FOXN3: variants seen among roughly 807,000 people sequenced by gnomAD.
FOXN3 encodes the protein forkhead box N3.
A neutral mutation model predicts 38.4 loss-of-function variants in FOXN3; 7 were observed. The ratio of observed to expected loss-of-function variants is 0.18; its 90% CI spans 0.10 to 0.34. The LOEUF is 0.34. Ranked by LOEUF, FOXN3 falls within the 10% of genes least tolerant of loss-of-function variation. The probability of loss-of-function intolerance (pLI) is 1.00; values close to 1 mark genes in which losing one functional copy is unlikely to be tolerated. For missense variants in FOXN3, 456 were observed against 613.4 expected, an observed-to-expected ratio of 0.74 and a Z score of 2.71; for synonymous variants, 230 against 242.2, an observed-to-expected ratio of 0.95 and a Z score of 0.47.
chr14:89,362,425 A>T (rs1480366758), intron 2 of FOXN3, among the ~76,000 whole-genome samples: 1 of 17,910 alleles, frequency 5.6e-5, no homozygotes, highest in Non-Finnish European at 1.2e-4. Flanking sequence ...CTCCTCCTCC[A>T]CCACCACCAC....
chr14:89,592,159 C>T (rs559596538), intron 1 of FOXN3, among the ~76,000 whole-genome samples: 37 of 151,908 alleles, frequency 2.4e-4, no homozygotes, highest in African/African-American at 8.9e-4. Flanking sequence ...GGAAATTATC[C>T]AGAAAGTAAG....
At chr14:89,589,459 G>C (rs1301246354) in intron 1 of FOXN3, among the ~76,000 whole-genome samples, 1 of 152,158 alleles carries the variant, frequency 6.6e-6, no homozygotes, top group Non-Finnish European at 1.5e-5. Context: ...GAGCCTGGTC[G>C]TGGTAGTCCT....
At chr14:89,302,163 C>A (rs1179525083) in intron 3 of FOXN3, among the ~76,000 whole-genome samples, 2 of 152,232 alleles carry the variant, frequency 1.3e-5, no homozygotes, top group African/African-American at 4.8e-5. Flanking sequence ...ACCTAATACC[C>A]ATTCGATGCT....
At chr14:89,454,560 G>T (rs894222652) in intron 1 of FOXN3, among the ~76,000 whole-genome samples, 1 of 152,186 alleles carries the variant, frequency 6.6e-6, no homozygotes, top group East Asian at 1.9e-4. Context: ...GAGAAAAACT[G>T]GATAAACATT....
intron 1 of FOXN3, among the ~76,000 whole-genome samples, chr14:89,613,355 T>C (rs1167526891): frequency 1.3e-5 from 2 of 152,088 alleles, no homozygotes; most frequent in East Asian, 1.9e-4. Flanking sequence ...CCCCAAACCA[T>C]GGGAGCTTAA....
At chr14:89,261,396 A>G (rs1168682721) in intron 4 of FOXN3, among the ~76,000 whole-genome samples, 1 of 152,236 alleles carries the variant, frequency 6.6e-6, no homozygotes, top group African/African-American at 2.4e-5. Flanking sequence ...GGCTGGGCCC[A>G]GTATGATGAG....
chr14:89,255,399 C>G (rs181033787), intron 4 of FOXN3, among the ~76,000 whole-genome samples: 35 of 152,190 alleles, frequency 2.3e-4, no homozygotes, highest in Admixed American at 3.9e-4. Context: ...TGTGTTCATT[C>G]ATTCATTCAC....
chr14:89,191,961 T>C (rs1055437494), intron 4 of FOXN3, among the ~76,000 whole-genome samples: 16 of 71,754 alleles, frequency 2.2e-4, no homozygotes, highest in South Asian at 1.7e-3. Flanking sequence ...TATATATATA[T>C]ACACATATAT....
At chr14:89,191,972 A>G (rs1001964951) in intron 4 of FOXN3, among the ~76,000 whole-genome samples, 8 of 139,056 alleles carry the variant, frequency 5.8e-5, no homozygotes, top group Non-Finnish European at 1.2e-4. Flanking sequence ...ACACATATAT[A>G]TAACTATAAT....
chr14:89,319,412 A>G (rs1313913944), intron 3 of FOXN3, among the ~76,000 whole-genome samples: 1 of 152,150 alleles, frequency 6.6e-6, no homozygotes, highest in East Asian at 1.9e-4. Context: ...CCCCAGCTAC[A>G]CATCCTGCCA....
intron 1 of FOXN3, among the ~76,000 whole-genome samples, chr14:89,447,052 C>T (rs1158438274): frequency 1.3e-5 from 2 of 151,952 alleles, no homozygotes; most frequent in African/African-American, 4.8e-5. Flanking sequence ...CAAAATTAGC[C>T]GGGTGTGGTG....
intron 1 of FOXN3, among the ~76,000 whole-genome samples, chr14:89,601,489 A>G (rs1430763177): frequency 6.6e-6 from 1 of 152,224 alleles, no homozygotes; most frequent in Non-Finnish European, 1.5e-5. Context: ...TGCCATTGTC[A>G]TTTAAGACCA....
At chr14:89,266,492 G>T (rs1443211272) in intron 4 of FOXN3, among the ~76,000 whole-genome samples, 1 of 152,152 alleles carries the variant, frequency 6.6e-6, no homozygotes, top group Non-Finnish European at 1.5e-5. Flanking sequence ...GCGGCTGGGG[G>T]GGCGGTGGAG....
intron 3 of FOXN3, among the ~76,000 whole-genome samples, chr14:89,301,093 G>A (rs1887203605): frequency 6.6e-6 from 1 of 152,104 alleles, no homozygotes; most frequent in Non-Finnish European, 1.5e-5. Context: ...ATGAGCCACT[G>A]CACCCAGCCT....
At chr14:89,196,042 A>C (rs576251215) in intron 4 of FOXN3, among the ~76,000 whole-genome samples, 1 of 152,314 alleles carries the variant, frequency 6.6e-6, no homozygotes, top group African/African-American at 2.4e-5. Flanking sequence ...AACAAATGTT[A>C]CTTCTCCTCT....
intron 4 of FOXN3, among the ~76,000 whole-genome samples, chr14:89,195,399 G>A (rs573909526): frequency 2.6e-5 from 4 of 152,356 alleles, no homozygotes; most frequent in Non-Finnish European, 5.9e-5. Flanking sequence ...GGTCAAGAGA[G>A]ACTACTGGTG....
At chr14:89,357,350 T>C (rs1889272935) in intron 2 of FOXN3, among the ~76,000 whole-genome samples, 1 of 152,174 alleles carries the variant, frequency 6.6e-6, no homozygotes, top group Admixed American at 6.6e-5. Flanking sequence ...CTCACGCCTG[T>C]AATCCCAACA....
upstream of FOXN3, among the ~76,000 whole-genome samples, chr14:89,418,417 C>A (rs1324124699): frequency 1.7e-5 from 2 of 120,158 alleles, no homozygotes; most frequent in African/African-American, 3.2e-5. Context: ...AATAGACCCC[C>A]CCCCCCCAAT....
chr14:89,377,162 A>G (rs1216712462), intron 2 of FOXN3, among the ~76,000 whole-genome samples: 1 of 151,822 alleles, frequency 6.6e-6, no homozygotes, highest in Non-Finnish European at 1.5e-5. Context: ...GCATTCCACA[A>G]AACAACTGGC....
Sources: gnomAD v4.1 joint callset for allele counts (sites outside exome capture counted in the v4.1 genomes callset) on GRCh38, gnomAD v4.1.1 for gene constraint, MANE v1.5 for transcripts, NCBI Gene and HGNC (gene_info 2026-07-23, HGNC 2026-07-21) for gene names.